Variants in MED12L observed in about 807,000 individuals in gnomAD.
The protein encoded by MED12L is mediator of RNA polymerase II transcription subunit 12-like protein.
A neutral mutation model predicts 281.3 loss-of-function variants in MED12L; 60 were observed. The observed-to-expected ratio is 0.21, with a 90% CI of 0.17 to 0.26. MED12L has a LOEUF of 0.26. MED12L is among the 10% of genes least tolerant of loss of function. The pLI is 1.00. For missense variants in MED12L, 2,146 were observed against 2,680.9 expected, an observed-to-expected ratio of 0.80 and a Z score of 4.41; for synonymous variants, 974 against 987.2, an observed-to-expected ratio of 0.99 and a Z score of 0.25.
At chr3:151,272,971 TTTGAGGGC>T (rs1247015220) in intron 16 of MED12L, among the ~76,000 whole-genome samples, 1 of 152,158 alleles carries the variant, frequency 6.6e-6, no homozygotes, top group Non-Finnish European at 1.5e-5. Flanking sequence ...TCCGAAACTT[TTTGAGGGC>T]TGACATGACT....
chr3:151,254,281 T>C (rs1260404067), intron 16 of MED12L, among the ~76,000 whole-genome samples: 1 of 152,174 alleles, frequency 6.6e-6, no homozygotes, highest in Non-Finnish European at 1.5e-5. Context: ...ACCAGATAAT[T>C]ATGTCCACAA....
intron 16 of MED12L, among the ~76,000 whole-genome samples, chr3:151,206,071 ATTTT>A (rs60866327): frequency 5.6e-4 from 70 of 124,174 alleles, no homozygotes; most frequent in Middle Eastern, 4.3e-3. Context: ...AAAGAAAATA[ATTTT>A]TTTTTTTTTT....
At chr3:151,155,067 G>T (rs977304390) in intron 5 of MED12L, among the ~76,000 whole-genome samples, 1 of 152,090 alleles carries the variant, frequency 6.6e-6, no homozygotes, top group Admixed American at 6.5e-5. Flanking sequence ...TAATTTTAAG[G>T]GTATTTAAAA....
chr3:151,227,237 ATTC>A (rs1233324688), intron 16 of MED12L, among the ~76,000 whole-genome samples: 1 of 152,246 alleles, frequency 6.6e-6, no homozygotes, highest in African/African-American at 2.4e-5. Context: ...ATATCTAAAT[ATTC>A]TTCTTAGGCT....
intron 5 of MED12L, among the ~76,000 whole-genome samples, chr3:151,133,163 G>A (rs1715645913): frequency 6.6e-6 from 1 of 152,224 alleles, no homozygotes; most frequent in East Asian, 1.9e-4. Flanking sequence ...CGGTAGAAAT[G>A]ACTTTTATTC....
At chr3:151,391,747 T>G (rs1714259078) in intron 38 of MED12L, among the ~76,000 whole-genome samples, 1 of 152,236 alleles carries the variant, frequency 6.6e-6, no homozygotes, top group South Asian at 2.1e-4. Context: ...ACTTTCTTAT[T>G]GATTTATTAT....
At chr3:151,431,799 C>T (rs770352353) in intron 44 of MED12L, among the ~76,000 whole-genome samples, 18 of 152,126 alleles carry the variant, frequency 1.2e-4, no homozygotes, top group Non-Finnish European at 2.2e-4. Flanking sequence ...TCTCTAGGAC[C>T]CAGGCACTAG....
intron 2 of MED12L, among the ~76,000 whole-genome samples, chr3:151,089,313 C>T (rs970169900): frequency 6.6e-6 from 1 of 151,972 alleles, no homozygotes; most frequent in Non-Finnish European, 1.5e-5. Context: ...AAAAGTTCAT[C>T]TGTGTATCGA....
At chr3:151,240,014 G>C (rs1733750849) in intron 16 of MED12L, among the ~76,000 whole-genome samples, 1 of 146,820 alleles carries the variant, frequency 6.8e-6, no homozygotes, top group Admixed American at 7.0e-5. Flanking sequence ...CAAACAGGAA[G>C]TAATCCTGAT....
chr3:151,220,913 T>C (rs183370677), intron 16 of MED12L, among the ~76,000 whole-genome samples: 1 of 152,084 alleles, frequency 6.6e-6, no homozygotes, highest in Admixed American at 6.5e-5. Flanking sequence ...ATTGGAACAG[T>C]TTGGAGGGCT....
At chr3:151,250,619 C>A (rs544923641) in intron 16 of MED12L, among the ~76,000 whole-genome samples, 2 of 152,282 alleles carry the variant, frequency 1.3e-5, no homozygotes, top group South Asian at 4.1e-4. Flanking sequence ...CTTTTTAAGA[C>A]TGAATAATAT....
rs139535921 is a variant in MED12L, at chr3:151,235,692, C to CAAATAAAT, written c.2250+42049_2250+42056dup. ...CTGGTAACAGAGCTAGACTCCATCT[C>CAAATAAAT]AAATAAATAAATAAATAAATAAATA... On this transcript the variant is annotated intron_variant, in intron 16 of 44. Coordinates refer to ENST00000687756, the MANE Select transcript of MED12L (RefSeq NM_001393769.1). Among the ~76,000 whole-genome samples the CAAATAAAT allele has an allele frequency of 5.2e-3, 780 of 149,074 alleles. 4 individuals are homozygous for CAAATAAAT. The highest frequency in any genetic ancestry group is 0.019 in the African/African-American group (747 of 40,256).
intron 4 of MED12L, 151 bp from the exon 5 acceptor site, chr3:151,127,674 A>G: frequency 1.8e-6 from 1 of 553,976 alleles, no homozygotes; most frequent in Non-Finnish European, 3.1e-6. Flanking sequence ...CAAAAACTAC[A>G]TGCACTATTT....
chr3:151,345,159 G>A (rs538943229), intron 16 of MED12L, among the ~76,000 whole-genome samples: 2 of 152,312 alleles, frequency 1.3e-5, no homozygotes, highest in South Asian at 2.1e-4. Flanking sequence ...TCTAAAGGAC[G>A]AGATTTTTAG....
chr3:151,424,901 A>T lies in MED12L; in HGVS notation c.6409-5398A>T, dbSNP rs542179485. On this transcript the variant is annotated intron_variant, in intron 43 of 44. Coordinates refer to ENST00000687756, the MANE Select transcript of MED12L (RefSeq NM_001393769.1). ...AGTTGGTAGTGCAGTTTTAAAATAA[A>T]TGTTGCTTTGCTGCTTTGTTCTTTT... is the stretch of plus-strand genomic sequence containing the variant. Among the ~76,000 whole-genome samples the T allele has an allele frequency of 2.7e-4, 41 of 152,316 alleles. 1 individual carries two copies. The highest frequency in any genetic ancestry group is 9.1e-4 in the African/African-American group (38 of 41,584).
intron 16 of MED12L, among the ~76,000 whole-genome samples, chr3:151,196,561 G>C (rs143117296): frequency 4.1e-4 from 63 of 152,310 alleles, no homozygotes; most frequent in African/African-American, 1.5e-3. Context: ...ATGCTATTCT[G>C]TGAATAATAC....
chr3:151,429,331 T>TC (rs1176629927), intron 43 of MED12L, among the ~76,000 whole-genome samples: 1 of 152,094 alleles, frequency 6.6e-6, no homozygotes, highest in African/African-American at 2.4e-5. Flanking sequence ...GTTGATGCCC[T>TC]CCACACAGGC....
Position 151,230,765 on chromosome 3 carries a change from G to A in MED12L, c.2250+37099G>A, listed in dbSNP as rs1041442773. 7.2e-5 allele frequency among the ~76,000 whole-genome samples: 11 copies of A among 152,210 alleles called. No individual in the cohort carries two copies. The East Asian group carries it at 9.6e-4, about 13-fold the overall frequency. On this transcript the variant is annotated intron_variant, in intron 16 of 44. Coordinates refer to ENST00000687756, the MANE Select transcript of MED12L (RefSeq NM_001393769.1). ...GTCTGTAAGTCATGACACCCCAATA[G>A]CTGTAAACTTGCTCAAGCCATTTTT... is the stretch of plus-strand genomic sequence containing the variant.
intron 27 of MED12L, among the ~76,000 whole-genome samples, chr3:151,373,453 G>T (rs757665371): frequency 6.6e-6 from 1 of 152,004 alleles, no homozygotes; most frequent in Non-Finnish European, 1.5e-5. Context: ...GAGATACTTC[G>T]AGACAGTGCA....
Sources: allele counts gnomAD v4.1 joint callset (sites outside exome capture counted in the v4.1 genomes callset), GRCh38; gene constraint gnomAD v4.1.1; transcripts MANE v1.5; gene names NCBI Gene and HGNC (gene_info 2026-07-23, HGNC 2026-07-21).